Variants in PTPRT observed in about 807,000 individuals in gnomAD.
PTPRT encodes protein tyrosine phosphatase receptor type T, also known as receptor-type tyrosine-protein phosphatase T.
In PTPRT, 56 loss-of-function variants were observed where a neutral mutation model predicts 176.8. That is an observed-to-expected ratio of 0.32 (90% CI 0.26 to 0.40). The LOEUF is 0.40. PTPRT is among the 10% of genes least tolerant of loss of function. The pLI, the probability that PTPRT is intolerant of heterozygous loss-of-function variation, is 1.00. For synonymous variants in PTPRT, 783 were observed against 739.0 expected, an observed-to-expected ratio of 1.06 and a Z score of -0.96; for missense variants, 1,540 against 1,908.2, an observed-to-expected ratio of 0.81 and a Z score of 3.60.
intron 7 of PTPRT, among the ~76,000 whole-genome samples, chr20:42,523,157 C>T (rs982575095): frequency 2.6e-5 from 4 of 152,150 alleles, no homozygotes; most frequent in Admixed American, 6.5e-5. Flanking sequence ...GTTTTAGCTA[C>T]AATTCTCAAA....
chr20:43,071,285 G>A (rs2011177021), intron 1 of PTPRT, among the ~76,000 whole-genome samples: 1 of 152,168 alleles, frequency 6.6e-6, no homozygotes, highest in African/African-American at 2.4e-5. Flanking sequence ...GGGCTCGTTA[G>A]ATATGCAAAT....
At chr20:42,197,214 C>T (rs975236815) in intron 16 of PTPRT, among the ~76,000 whole-genome samples, 1 of 151,574 alleles carries the variant, frequency 6.6e-6, no homozygotes, top group African/African-American at 2.4e-5. Flanking sequence ...CCCGTCTCGA[C>T]TAAAAATACA....
chr20:42,505,955 T>C (rs1377119750), intron 7 of PTPRT, among the ~76,000 whole-genome samples: 1 of 152,154 alleles, frequency 6.6e-6, no homozygotes, highest in Non-Finnish European at 1.5e-5. Context: ...CCAGAGCAAG[T>C]AGTTGAAAAG....
chr20:42,306,815 A>G (rs2057550021), intron 12 of PTPRT, among the ~76,000 whole-genome samples: 1 of 152,128 alleles, frequency 6.6e-6, no homozygotes, highest in African/African-American at 2.4e-5. Flanking sequence ...TAAAGGGGAA[A>G]AGCTGTTACT....
In PTPRT at chr20:42,651,565, A is replaced by C. The variant is rs576351448; in HGVS notation, c.1153+26301T>G. Among the ~76,000 whole-genome samples the C allele has an allele frequency of 7.9e-5, 12 of 152,364 alleles. No individual in the cohort carries two copies. The South Asian group carries it at 2.3e-3, about 29-fold the overall frequency. Reference sequence around the variant, plus strand: ...ATCCACTTGCTGTGATTACAAGCCCAGTGAGGTTTCTGTGCCTTGAGCAGT... The same window carrying C: ...ATCCACTTGCTGTGATTACAAGCCCCGTGAGGTTTCTGTGCCTTGAGCAGT... On this transcript the variant is annotated intron_variant, in intron 7 of 30. Transcript: ENST00000373187.
At chr20:42,087,613 C>T (rs990941204) in intron 27 of PTPRT, among the ~76,000 whole-genome samples, 3 of 150,254 alleles carry the variant, frequency 2.0e-5, no homozygotes, top group African/African-American at 4.9e-5. Flanking sequence ...CGGTGGCTTA[C>T]GCCTGTAATC....
intron 1 of PTPRT, among the ~76,000 whole-genome samples, chr20:42,899,361 T>TG (rs2145910538): frequency 6.6e-6 from 1 of 152,340 alleles, no homozygotes; most frequent in South Asian, 2.1e-4. Flanking sequence ...TGTCAGCGTC[T>TG]GAAGCCTGCA....
At chr20:43,162,782 C>T (rs1187160193) in intron 1 of PTPRT, among the ~76,000 whole-genome samples, 1 of 126,700 alleles carries the variant, frequency 7.9e-6, no homozygotes, top group Admixed American at 8.7e-5. Context: ...TGGACAGCAG[C>T]TTGGCTCAGG....
rs376780318 is a variant in PTPRT at position 42,918,708 on chromosome 20, G to A, written c.89-32776C>T. On this transcript the variant is annotated intron_variant, in intron 1 of 30. Coordinates refer to ENST00000373187, the MANE Select transcript of PTPRT (RefSeq NM_007050.6). ...CTAGTTTAGAAGGAAGGGAGACAAA[G>A]ACCAACTTTCATTTGAGAGTTCAAC... is the stretch of plus-strand genomic sequence containing the variant. Among the ~76,000 whole-genome samples, 44 of 152,258 alleles carry A rather than the reference G, an allele frequency of 2.9e-4. 2 individuals carry two copies. The South Asian group carries it at 9.1e-3, about 32-fold the overall frequency.
chr20:42,911,941 G>T, intron 1 of PTPRT, among the ~76,000 whole-genome samples: 1 of 147,208 alleles, frequency 6.8e-6, no homozygotes, highest in African/African-American at 2.5e-5. Flanking sequence ...TTGCCATCCT[G>T]CATGCTGTTA....
At chr20:42,471,819 T>C (rs1336580488) in intron 8 of PTPRT, among the ~76,000 whole-genome samples, 2 of 151,862 alleles carry the variant, frequency 1.3e-5, no homozygotes, top group African/African-American at 4.8e-5. Context: ...CCACGCCTGG[T>C]AATTTCTTTT....
At chr20:42,818,845 T>C (rs954778519) in intron 2 of PTPRT, among the ~76,000 whole-genome samples, 2 of 151,668 alleles carry the variant, frequency 1.3e-5, no homozygotes, top group African/African-American at 4.9e-5. Flanking sequence ...CAGACAAGAA[T>C]AGAGGAGAAA....
intron 7 of PTPRT, among the ~76,000 whole-genome samples, chr20:42,497,437 T>C (rs1289572812): frequency 3.9e-5 from 6 of 151,994 alleles, no homozygotes; most frequent in Non-Finnish European, 7.4e-5. Flanking sequence ...CTGCTTCTCC[T>C]GTTATCTTGA....
At chr20:43,027,144 C>T (rs538307622) in intron 1 of PTPRT, among the ~76,000 whole-genome samples, 68 of 152,206 alleles carry the variant, frequency 4.5e-4, no homozygotes, top group Middle Eastern at 3.4e-3. Flanking sequence ...TAAGGAACCT[C>T]CAAGCTGTTG....
intron 7 of PTPRT, among the ~76,000 whole-genome samples, chr20:42,661,604 CT>C (rs1235558412): frequency 1.3e-5 from 2 of 152,226 alleles, no homozygotes; most frequent in South Asian, 2.1e-4. Flanking sequence ...AAGTTACAAG[CT>C]TCTAATGATT....
At chr20:42,666,652 A>G (rs1039964429) in intron 7 of PTPRT, among the ~76,000 whole-genome samples, 1 of 152,170 alleles carries the variant, frequency 6.6e-6, no homozygotes, top group Non-Finnish European at 1.5e-5. Context: ...TAATCCAACA[A>G]CATGACATAT....
intron 8 of PTPRT, among the ~76,000 whole-genome samples, chr20:42,466,454 T>C (rs2071103875): frequency 1.3e-5 from 2 of 152,202 alleles, no homozygotes; most frequent in Non-Finnish European, 2.9e-5. Flanking sequence ...GAACATAGTA[T>C]TCTCACTGCA....
At chr20:42,495,875 G>T (rs1227648935) in intron 7 of PTPRT, among the ~76,000 whole-genome samples, 1 of 152,090 alleles carries the variant, frequency 6.6e-6, no homozygotes, top group Non-Finnish European at 1.5e-5. Context: ...TAATGCAAGG[G>T]TTAGAGGTGC....
At position 43,061,418 on chromosome 20, in the gene PTPRT, T is replaced by C. The variant is rs373965901; in HGVS notation, c.88+128228A>G. Among the ~76,000 whole-genome samples, 148 of 152,330 alleles carry C rather than the reference T, an allele frequency of 9.7e-4. 2 individuals are homozygous for C. The South Asian group carries it at 0.03, about 31-fold the overall frequency. On this transcript the variant is annotated intron_variant, in intron 1 of 30. Coordinates refer to ENST00000373187, the MANE Select transcript of PTPRT (RefSeq NM_007050.6). ...TGAGTATCAAATGTGCTCGGCCTCATGTTGAGCACCTTTAAGTCCTTCACT... is the reference window on the plus strand; with the variant it reads ...TGAGTATCAAATGTGCTCGGCCTCACGTTGAGCACCTTTAAGTCCTTCACT...
Sources: gnomAD v4.1 joint callset for allele counts (sites outside exome capture counted in the v4.1 genomes callset) on GRCh38, gnomAD v4.1.1 for gene constraint, MANE v1.5 for transcripts, NCBI Gene and HGNC (gene_info 2026-07-23, HGNC 2026-07-21) for gene names.